FBXO44: variants seen among roughly 807,000 people sequenced by gnomAD.
FBXO44 encodes the protein F-box protein 44.
A neutral mutation model predicts 33.5 loss-of-function variants in FBXO44; 25 were observed. That is an observed-to-expected ratio of 0.75 (90% CI 0.54 to 1.04). The LOEUF (loss-of-function observed/expected upper bound fraction) is 1.04, where lower values mean the gene tolerates loss of function less well. FBXO44 is among the 50% of genes least tolerant of loss of function. The probability of loss-of-function intolerance (pLI) is 0.00; values close to 1 mark genes in which losing one functional copy is unlikely to be tolerated. For synonymous variants in FBXO44, 147 were observed against 152.8 expected (o/e 0.96, Z 0.28); for missense variants, 311 against 344.0 (o/e 0.90, Z 0.76).
Position 11,656,277 on chromosome 1 carries a change from G to A in FBXO44, c.265+177G>A, listed in dbSNP as rs954533994. On this transcript the variant is annotated intron_variant, in intron 2 of 5. Coordinates refer to ENST00000251547, the MANE Select transcript of FBXO44 (RefSeq NM_033182.7). ...CACATTTTTCAGATGGGCAAACTGAGGCCAAGAGTGGTGTTTCTTATTCTT... is the reference window on the plus strand; with the variant it reads ...CACATTTTTCAGATGGGCAAACTGAAGCCAAGAGTGGTGTTTCTTATTCTT... Among the ~76,000 whole-genome samples the A allele has an allele frequency of 3.3e-5, 5 of 150,954 alleles. No individual in the cohort carries two copies. The South Asian group carries it at 6.3e-4, about 19-fold the overall frequency.
intron 1 of FBXO44, 110 bp from the exon 2 acceptor site, chr1:11,655,696 G>A: frequency 1.7e-6 from 2 of 1,179,382 alleles, no homozygotes; most frequent in Admixed American, 2.5e-5. Context: ...AGTGACCCCT[G>A]GAGGTAAGGC....
upstream of FBXO44, chr1:11,654,583 T>A (rs1193398098): frequency 2.7e-6 from 1 of 371,032 alleles, no homozygotes; most frequent in Non-Finnish European, 4.8e-6. Flanking sequence ...CTGGGAAAGG[T>A]CAGGAGTCGT....
intron 2 of FBXO44, among the ~76,000 whole-genome samples, chr1:11,656,984 T>C (rs1402943128): frequency 6.6e-6 from 1 of 152,154 alleles, no homozygotes; most frequent in African/African-American, 2.4e-5. Context: ...CTTCTCAGTA[T>C]GTTACAACAA....
intron 5 of FBXO44, 77 bp downstream of exon 5, chr1:11,658,948 G>A (rs1640011492): frequency 1.3e-6 from 2 of 1,563,728 alleles, no homozygotes; most frequent in South Asian, 2.3e-5. Flanking sequence ...CCTAGGTTCA[G>A]ATCCAAGCTC....
intron 1 of FBXO44, chr1:11,655,468 G>C: frequency 3.8e-6 from 1 of 260,298 alleles, no homozygotes; most frequent in Non-Finnish European, 7.5e-6. Flanking sequence ...GGAGGCCTGG[G>C]GTGCTCTGCC....
chr1:11,656,159 G>A, intron 2 of FBXO44, 59 bp downstream of exon 2: 2 of 1,586,768 alleles, frequency 1.3e-6, no homozygotes, highest in Non-Finnish European at 1.7e-6. Context: ...CCAGGAACAT[G>A]TATTGAGCAC....
At chr1:11,655,671 T>C (rs1639727830) in intron 1 of FBXO44, 135 bp from the exon 2 acceptor site, 1 of 848,876 alleles carries the variant, frequency 1.2e-6, no homozygotes, top group Non-Finnish European at 1.8e-6. Flanking sequence ...TGTCCCAAGC[T>C]CCTTGGACCG....
chr1:11,655,881 G>A lies in FBXO44; in HGVS notation c.46G>A (p.Glu16Lys). ...CGAGCTGCCCGAGAACATCCTGCTG[G>A]AGCTGTTCACGCACGTGCCCGCCCG... is the stretch of plus-strand genomic sequence containing the variant. ...INELPENILLELFTHVPARQL... is the reference protein window; with the variant it reads ...INELPENILLKLFTHVPARQL... Residue 16 changes from glutamate to lysine, a missense_variant, in exon 2 of 6, where the codon GAG (glutamate) becomes AAG (lysine). Coordinates refer to ENST00000251547, the MANE Select transcript of FBXO44 (RefSeq NM_033182.7). 6.2e-7 allele frequency: 1 copy of A among 1,613,974 alleles called. No individual in the cohort carries two copies. The highest frequency in any genetic ancestry group is 8.5e-7 in the Non-Finnish European group (1 of 1,180,018).
rs143696262 is a variant in FBXO44, at chr1:11,657,913, C to T, written c.266-354C>T. Among the ~76,000 whole-genome samples the T allele has an allele frequency of 2.2e-4, 34 of 152,220 alleles. No individual in the cohort carries two copies. The South Asian group carries it at 2.3e-3, about 10-fold the overall frequency. The stretch of plus-strand genomic sequence containing the variant: ...TTCTTACTCCAGTTTACAGAGGAGA[C>T]GACCAAGGGTCAGAGAGGAAAAGCA... On this transcript the variant is annotated intron_variant, in intron 2 of 5. Coordinates refer to ENST00000251547, the MANE Select transcript of FBXO44 (RefSeq NM_033182.7).
chr1:11,656,169 C>A, intron 2 of FBXO44, 69 bp downstream of exon 2: 1 of 1,573,240 alleles, frequency 6.4e-7, no homozygotes, highest in Admixed American at 1.7e-5. Context: ...GTATTGAGCA[C>A]TTAGTATGAG....
Position 11,656,020 on chromosome 1 carries a change from A to G in FBXO44, c.185A>G (p.Asp62Gly). The change falls in exon 2 of 6, where the codon GAC (aspartate) becomes GGC (glycine). Residue 62 changes from aspartate to glycine, a missense_variant. Asp to Gly is a moderately conservative substitution (Grantham distance 94, BLOSUM62 -1). Transcript: ENST00000251547. ...GAGGGCTTCATCACTGAGGACTGGG[A>G]CCAGCCCGTGGCCGACTGGAAGATC... ...LREGFITEDW[D>G]QPVADWKIFY... The G allele has an allele frequency of 1.2e-6, 2 of 1,614,162 alleles. No homozygotes were observed. Among genetic ancestry groups the G allele is most frequent in the East Asian group, 2.2e-5 (1 of 44,872 alleles).
At chr1:11,659,592 C>T (rs1218588774) in intron 5 of FBXO44, among the ~76,000 whole-genome samples, 1 of 152,118 alleles carries the variant, frequency 6.6e-6, no homozygotes, top group Non-Finnish European at 1.5e-5. Flanking sequence ...AACTCTTAGG[C>T]TCAAGTCATC....
rs1321266200 is a variant in FBXO44 at position 11,661,099 on chromosome 1, A to T, written c.625-31A>T. On this transcript the variant is annotated intron_variant, in intron 5 of 5. Coordinates refer to ENST00000251547, the MANE Select transcript of FBXO44 (RefSeq NM_033182.7). The surrounding 1 kb of genome is among the most constrained non-coding windows in gnomAD (Gnocchi z 4.4). ...CACCCAGCCTGAGTCAGCTCCCTTG[A>T]CCTTTCTCCCCCCTCTACCTGCCCT... 3.1e-6 allele frequency: 5 copies of T among 1,594,826 alleles called. No individual in the cohort carries two copies. The highest frequency in any genetic ancestry group is 4.5e-5 in the East Asian group (2 of 44,538).
At chr1:11,660,226 G>A (rs1365564652) in intron 5 of FBXO44, among the ~76,000 whole-genome samples, 3 of 152,116 alleles carry the variant, frequency 2.0e-5, no homozygotes, top group African/African-American at 7.2e-5. Context: ...GCAGTGACGC[G>A]ATCTCAGCTC....
rs779809659 is a variant in FBXO44, at chr1:11,658,585, G to A, written c.445G>A (p.Glu149Lys). The A allele has an allele frequency of 1.2e-6, 2 of 1,613,446 alleles. No homozygotes were observed. Among genetic ancestry groups the A allele is most frequent in the Non-Finnish European group, 8.5e-7 (1 of 1,180,006 alleles). The change falls in exon 4 of 6, where the codon GAG (glutamate) becomes AAG (lysine). Residue 149 changes from glutamate to lysine, a missense_variant. Glu to Lys is a moderately conservative substitution (Grantham distance 56, BLOSUM62 1). Coordinates refer to ENST00000251547, the MANE Select transcript of FBXO44 (RefSeq NM_033182.7). ...CCTCAAGGCCGAAGGGTATTGGGAG[G>A]AGCTGATGGATACCACACGGCCGGA... The part of the protein sequence containing the change: ...VDLKAEGYWE[E>K]LMDTTRPDIE...
chr1:11,654,747 T>G (rs1330877167), upstream of FBXO44: 8 of 168,444 alleles, frequency 4.7e-5, no homozygotes, highest in Non-Finnish European at 1.0e-4. Flanking sequence ...GTATAGGAGG[T>G]GCCTTCCGCC....
chr1:11,661,447 T>G lies in FBXO44; in HGVS notation c.*174T>G. The G allele has an allele frequency of 2.2e-6, 2 of 918,054 alleles. No individual in the cohort carries two copies. Among genetic ancestry groups the G allele is most frequent in the South Asian group, 3.7e-5 (2 of 54,026 alleles). 56.9% of individuals were successfully genotyped at this position (918,054 alleles called of 1,614,324 possible). ...TGTGGGCAGCCCTCGCATGCTGGGG[T>G]CGGGCCAGCTCTCCCCGAAAGGTCT... is the stretch of plus-strand genomic sequence containing the variant. On this transcript the variant is annotated 3_prime_UTR_variant, in exon 6 of 6. Transcript: ENST00000251547. This position sits in a 1 kb window ranked among gnomAD's most constrained non-coding sequence, Gnocchi z 4.4.
chr1:11,661,373 G>T lies in FBXO44; in HGVS notation c.*100G>T, dbSNP rs896655066. 2 of 1,550,954 alleles carry T rather than the reference G, an allele frequency of 1.3e-6. No homozygotes were observed. Among genetic ancestry groups the T allele is most frequent in the Non-Finnish European group, 1.8e-6 (2 of 1,135,922 alleles). On this transcript the variant is annotated 3_prime_UTR_variant, in exon 6 of 6. Coordinates refer to ENST00000251547, the MANE Select transcript of FBXO44 (RefSeq NM_033182.7). This position sits in a 1 kb window ranked among gnomAD's most constrained non-coding sequence, Gnocchi z 4.4. ...GGGAGGTGGAGGCCAGGTGTCCCCA[G>T]ACCTCTAACCCTTGCCCCTAGCAGC...
At chr1:11,659,139 G>T (rs1296258819) in intron 5 of FBXO44, among the ~76,000 whole-genome samples, 1 of 152,244 alleles carries the variant, frequency 6.6e-6, no homozygotes, top group African/African-American at 2.4e-5. Flanking sequence ...TGTAATCCCA[G>T]CACTTTGGGA....
Sources: gnomAD v4.1 joint callset for allele counts (sites outside exome capture counted in the v4.1 genomes callset) on GRCh38, gnomAD v4.1.1 for gene constraint, Gnocchi (gnomAD v3.1) non-coding constraint, MANE v1.5 for transcripts, NCBI Gene and HGNC (gene_info 2026-07-23, HGNC 2026-07-21) for gene names.